The following STK3 variants were observed in gnomAD, a reference collection of about 807,000 sequenced individuals.
STK3 encodes the protein serine/threonine-protein kinase 3.
STK3 carries 41 observed loss-of-function variants against 58.0 expected under a neutral mutation model. The ratio of observed to expected loss-of-function variants is 0.71; its 90% CI spans 0.55 to 0.92. The LOEUF is 0.92. Among genes scored for constraint, STK3 ranks in the 40% least tolerant of loss-of-function variants. The pLI is 0.00. For synonymous variants in STK3, 170 were observed against 191.0 expected, an observed-to-expected ratio of 0.89 and a Z score of 0.91; for missense variants, 479 against 602.7, an observed-to-expected ratio of 0.79 and a Z score of 2.15.
At chr8:98,886,828 T>A (rs1838008271) in intron 1 of STK3, among the ~76,000 whole-genome samples, 1 of 152,202 alleles carries the variant, frequency 6.6e-6, no homozygotes, top group Admixed American at 6.5e-5. Context: ...CCAGGCACGG[T>A]GGCTCATGTC....
chr8:98,789,302 A>G (rs1282119278), intron 1 of STK3, among the ~76,000 whole-genome samples: 1 of 152,198 alleles, frequency 6.6e-6, no homozygotes, highest in Non-Finnish European at 1.5e-5. Flanking sequence ...GCCTACATCA[A>G]AAAGTCTGAA....
At chr8:98,480,541 A>AAC (rs1244724361) in intron 10 of STK3, among the ~76,000 whole-genome samples, 1 of 152,210 alleles carries the variant, frequency 6.6e-6, no homozygotes, top group East Asian at 1.9e-4. Flanking sequence ...CTGCCACAGT[A>AAC]TGATTTCAAA....
At chr8:98,711,774 A>C (rs1443430951) in intron 4 of STK3, among the ~76,000 whole-genome samples, 2 of 152,208 alleles carry the variant, frequency 1.3e-5, no homozygotes, top group South Asian at 2.1e-4. Flanking sequence ...AATTCAGGAA[A>C]TACAGAGAAC....
At chr8:98,628,318 A>G (rs768763042) in intron 6 of STK3, among the ~76,000 whole-genome samples, 1 of 152,156 alleles carries the variant, frequency 6.6e-6, no homozygotes, top group Non-Finnish European at 1.5e-5. Context: ...CTGGCTACAC[A>G]ATGTTACTAG....
intron 6 of STK3, among the ~76,000 whole-genome samples, chr8:98,650,795 C>T (rs974218028): frequency 6.6e-6 from 1 of 152,220 alleles, no homozygotes; most frequent in Non-Finnish European, 1.5e-5. Flanking sequence ...GGAGGGGCGC[C>T]TGCCATTGCC....
chr8:98,904,076 A>C (rs1314595247), intron 1 of STK3, among the ~76,000 whole-genome samples: 1 of 152,184 alleles, frequency 6.6e-6, no homozygotes, highest in African/African-American at 2.4e-5. Flanking sequence ...ACAAGGCTAA[A>C]TTTCAGCTAA....
chr8:98,383,241 G>A (rs1437148744), intron 1 of STK3, among the ~76,000 whole-genome samples: 4 of 152,142 alleles, frequency 2.6e-5, no homozygotes, highest in African/African-American at 9.7e-5. Flanking sequence ...TACAGATAGG[G>A]AGGCAAGCTT....
chr8:98,584,733 T>G (rs1814324303), intron 7 of STK3, among the ~76,000 whole-genome samples: 1 of 149,868 alleles, frequency 6.7e-6, no homozygotes, highest in Non-Finnish European at 1.5e-5. Context: ...AAAGTGTTCC[T>G]ATTTCTCCAC....
intron 1 of STK3, among the ~76,000 whole-genome samples, chr8:98,775,299 G>A (rs1310931136): frequency 6.6e-6 from 1 of 152,102 alleles, no homozygotes; most frequent in Non-Finnish European, 1.5e-5. Context: ...CATGTAATGA[G>A]TCACAGTCAA....
chr8:98,378,100 C>T (rs556957961), intron 2 of STK3, among the ~76,000 whole-genome samples: 13 of 152,278 alleles, frequency 8.5e-5, no homozygotes, highest in East Asian at 1.9e-4. Context: ...AGAGAGAACA[C>T]GGGTTTAAGA....
intron 7 of STK3, among the ~76,000 whole-genome samples, chr8:98,593,327 T>G (rs991528427): frequency 2.6e-5 from 4 of 152,248 alleles, no homozygotes; most frequent in African/African-American, 9.6e-5. Context: ...GAATTTCTTT[T>G]TAAATATTGT....
At chr8:98,499,746 T>C (rs527375775) in intron 10 of STK3, among the ~76,000 whole-genome samples, 13 of 152,342 alleles carry the variant, frequency 8.5e-5, no homozygotes, top group African/African-American at 3.1e-4. Flanking sequence ...TGTCATATAG[T>C]GGCAGAAAGC....
At chr8:98,924,085 A>G (rs530130899) in intron 1 of STK3, among the ~76,000 whole-genome samples, 1 of 152,318 alleles carries the variant, frequency 6.6e-6, no homozygotes, top group African/African-American at 2.4e-5. Context: ...GCAGGTTCAG[A>G]GAGTCCATTT....
chr8:98,602,855 C>T (rs1406812702), intron 6 of STK3, among the ~76,000 whole-genome samples: 2 of 142,956 alleles, frequency 1.4e-5, no homozygotes, highest in Non-Finnish European at 3.0e-5. Context: ...GTAAGAAGCA[C>T]ATCAATTCCC....
At chr8:98,650,616 A>G (rs1331609157) in intron 6 of STK3, among the ~76,000 whole-genome samples, 1 of 152,248 alleles carries the variant, frequency 6.6e-6, no homozygotes, top group Non-Finnish European at 1.5e-5. Context: ...GGCACCTGGA[A>G]AAGCGGGTCA....
downstream of STK3, among the ~76,000 whole-genome samples, chr8:98,398,197 T>G (rs140430991): frequency 8.5e-3 from 1,286 of 152,178 alleles, 12 homozygotes; most frequent in Non-Finnish European, 0.012. Flanking sequence ...GTGGTTGGGG[T>G]GGATGGGGAA....
intron 7 of STK3, among the ~76,000 whole-genome samples, chr8:98,588,383 T>C (rs1481413592): frequency 2.0e-5 from 3 of 151,582 alleles, no homozygotes; most frequent in Non-Finnish European, 4.4e-5. Flanking sequence ...GATATGAAAT[T>C]CTGGGTTGAA....
At chr8:98,429,533 G>A (rs2131070706) in intron 3 of STK3, 1 of 701,098 alleles carries the variant, frequency 1.4e-6, no homozygotes, top group Non-Finnish European at 2.4e-6. Flanking sequence ...GGGGAGAGAT[G>A]CATGGGATAT....
At chr8:98,361,083 G>A in the STK3 span, among the ~76,000 whole-genome samples, 2 of 152,100 alleles carry the variant, frequency 1.3e-5, no homozygotes. Context: ...CCAAAACCCT[G>A]CAGAATGTAT....
Sources: gnomAD v4.1 joint callset for allele counts (sites outside exome capture counted in the v4.1 genomes callset) on GRCh38, gnomAD v4.1.1 for gene constraint, MANE v1.5 for transcripts, NCBI Gene and HGNC (gene_info 2026-07-23, HGNC 2026-07-21) for gene names.